The following KSR1 variants were observed in gnomAD, a reference collection of about 807,000 sequenced individuals.
KSR1 encodes the protein kinase suppressor of ras 1.
A neutral mutation model predicts 92.9 loss-of-function variants in KSR1; 35 were observed. That is an observed-to-expected ratio of 0.38 (90% CI 0.29 to 0.50). The LOEUF is 0.50. Among genes scored for constraint, KSR1 ranks in the 20% least tolerant of loss-of-function variants. KSR1 has a pLI of 0.94. For missense variants in KSR1, 972 were observed against 1,158.5 expected (o/e 0.84, Z 2.34); for synonymous variants, 467 against 472.6 (o/e 0.99, Z 0.15).
intron 4 of KSR1, among the ~76,000 whole-genome samples, chr17:27,585,367 C>T (rs1475449014): frequency 1.3e-5 from 2 of 152,146 alleles, no homozygotes; most frequent in Admixed American, 1.3e-4. Context: ...AATTACCATG[C>T]TTGGTTGCTG....
chr17:27,564,508 C>G (rs548332019), intron 2 of KSR1, among the ~76,000 whole-genome samples: 1 of 152,306 alleles, frequency 6.6e-6, no homozygotes, highest in Admixed American at 6.5e-5. Flanking sequence ...TGCAGGGGCT[C>G]AGGTGATGCC....
In KSR1 at chr17:27,577,621, C is replaced by A. The variant is rs371840328; in HGVS notation, c.502C>A (p.Arg168=). The change falls in exon 3 of 21, where the codon CGG becomes AGG. Residue 168 remains arginine (R), a synonymous_variant. Coordinates refer to ENST00000644974, the MANE Select transcript of KSR1 (RefSeq NM_001394583.1). The surrounding 1 kb of genome is among the most constrained non-coding windows in gnomAD (Gnocchi z 4.5). ...GRLQYALTCL[R]KVTGLGGEHK... ...TCTGCAGTATGCCCTCACCTGCCTGCGGAAGGTGACAGGCCTGGGTACGTG... is the reference window on the plus strand; with the variant it reads ...TCTGCAGTATGCCCTCACCTGCCTGAGGAAGGTGACAGGCCTGGGTACGTG... The A allele has an allele frequency of 1.6e-3, 2,606 of 1,582,022 alleles. 5 individuals are homozygous for A. Among genetic ancestry groups the A allele is most frequent in the Non-Finnish European group, 2.1e-3 (2,463 of 1,169,346 alleles).
chr17:27,541,616 G>A (rs1232178531), intron 1 of KSR1, among the ~76,000 whole-genome samples: 1 of 152,190 alleles, frequency 6.6e-6, no homozygotes, highest in East Asian at 1.9e-4. Flanking sequence ...CATCCTGCTT[G>A]TACCAGTCAA....
chr17:27,620,298 G>A (rs746914639), intron 19 of KSR1, among the ~76,000 whole-genome samples: 37 of 152,092 alleles, frequency 2.4e-4, no homozygotes, highest in Non-Finnish European at 4.0e-4. Context: ...CACACCTGCC[G>A]CATGCCTGCA....
At chr17:27,469,350 C>G (rs1477898282) in intron 1 of KSR1, among the ~76,000 whole-genome samples, 4 of 152,046 alleles carry the variant, frequency 2.6e-5, no homozygotes, top group African/African-American at 9.7e-5. Context: ...TCTCAGGTGC[C>G]GAGTCACTTT....
intron 1 of KSR1, among the ~76,000 whole-genome samples, chr17:27,463,574 T>C (rs1481443297): frequency 6.6e-6 from 1 of 152,108 alleles, no homozygotes; most frequent in African/African-American, 2.4e-5. Context: ...TCTGAGGTTC[T>C]GGGCTATGTG....
chr17:27,517,482 GT>G (rs1191427442), intron 1 of KSR1, among the ~76,000 whole-genome samples: 2 of 152,152 alleles, frequency 1.3e-5, no homozygotes, highest in African/African-American at 4.8e-5. Context: ...TAGAGATGGG[GT>G]TTTGCCATGT....
chr17:27,623,786 G>T lies in KSR1; in HGVS notation c.*394G>T. ...GGGACCCATGCTGGGCCAGAAGGAA[G>T]ACAAACATGGTAATTGCAGCTGTTC... On this transcript the variant is annotated 3_prime_UTR_variant, in exon 21 of 21. Transcript: ENST00000644974. The T allele has an allele frequency of 1.8e-6, 1 of 542,910 alleles. No individual in the cohort carries two copies. The highest frequency in any genetic ancestry group is 3.3e-5 in the East Asian group (1 of 30,658). The allele number at this position is 542,910 out of a possible 1,614,324, so 33.6% of individuals were successfully genotyped here.
rs868364654 is a variant in KSR1, at chr17:27,517,276, A to G, written c.232-33292A>G. Among the ~76,000 whole-genome samples, 5 of 152,196 alleles carry G rather than the reference A, an allele frequency of 3.3e-5. No homozygotes were observed. The South Asian group carries it at 1.0e-3, about 31-fold the overall frequency. On this transcript the variant is annotated intron_variant, in intron 1 of 20. Transcript: ENST00000644974. ...GCTCCACAACCCCTTATCTTAACCCAGACACTTGTTTCTATTGATTCCAGG... is the reference window on the plus strand; with the variant it reads ...GCTCCACAACCCCTTATCTTAACCCGGACACTTGTTTCTATTGATTCCAGG...
Position 27,623,396 on chromosome 17 carries a change from G to C in KSR1, c.*4G>C, listed in dbSNP as rs772298017. ...GTCCAGTAATCCAAAGATGTAGCCA[G>C]CCATATGGTTTTTCGCTGCTGATCT... On this transcript the variant is annotated 3_prime_UTR_variant, in exon 21 of 21. Coordinates refer to ENST00000644974, the MANE Select transcript of KSR1 (RefSeq NM_001394583.1). The C allele has an allele frequency of 2.6e-6, 2 of 764,104 alleles. No homozygotes were observed. Among genetic ancestry groups the C allele is most frequent in the South Asian group, 2.7e-5 (2 of 74,224 alleles). 47.3% of individuals were successfully genotyped at this position (764,104 alleles called of 1,614,324 possible).
intron 1 of KSR1, among the ~76,000 whole-genome samples, chr17:27,508,704 A>ATTTT (rs1248006036): frequency 3.4e-4 from 45 of 133,152 alleles, no homozygotes; most frequent in African/African-American, 1.3e-3. Flanking sequence ...TTGGGCCTGA[A>ATTTT]TTTTTTTTAT....
At chr17:27,472,629 C>T (rs2020075096) in intron 1 of KSR1, among the ~76,000 whole-genome samples, 1 of 152,122 alleles carries the variant, frequency 6.6e-6, no homozygotes, top group African/African-American at 2.4e-5. Context: ...ATGGTCAAAC[C>T]CCGTCTCTAC....
At chr17:27,523,313 G>A (rs557757493) in intron 1 of KSR1, among the ~76,000 whole-genome samples, 17 of 150,754 alleles carry the variant, frequency 1.1e-4, no homozygotes, top group East Asian at 3.9e-4. Flanking sequence ...GAATCAGCCC[G>A]ACTACATTTA....
intron 14 of KSR1, among the ~76,000 whole-genome samples, chr17:27,606,756 G>C (rs1476725319): frequency 6.7e-6 from 1 of 150,016 alleles, no homozygotes; most frequent in African/African-American, 2.5e-5. Flanking sequence ...ATCACTGGTG[G>C]TCCCGTAATT....
chr17:27,581,241 A>G (rs915962708), intron 3 of KSR1, among the ~76,000 whole-genome samples: 5 of 152,142 alleles, frequency 3.3e-5, no homozygotes, highest in African/African-American at 1.2e-4. Context: ...GAACAGCACC[A>G]AGAGGATGGT....
At chr17:27,618,886 A>C (rs2074137739) in intron 19 of KSR1, among the ~76,000 whole-genome samples, 1 of 152,180 alleles carries the variant, frequency 6.6e-6, no homozygotes, top group Non-Finnish European at 1.5e-5. Flanking sequence ...CATAGAGATG[A>C]GGTCTCACTA....
At chr17:27,526,470 C>A (rs141946573) in intron 1 of KSR1, 4 of 1,591,842 alleles carry the variant, frequency 2.5e-6, no homozygotes, top group Non-Finnish European at 1.7e-6. Flanking sequence ...CCCAATACAT[C>A]TTCTCTTTAT....
At chr17:27,584,558 T>G (rs1264774146) in intron 4 of KSR1, among the ~76,000 whole-genome samples, 1 of 152,232 alleles carries the variant, frequency 6.6e-6, no homozygotes, top group East Asian at 1.9e-4. Flanking sequence ...TCCCTGTGTT[T>G]CTGTCTTCTC....
At chr17:27,564,663 A>G (rs908038650) in intron 2 of KSR1, among the ~76,000 whole-genome samples, 1 of 151,834 alleles carries the variant, frequency 6.6e-6, no homozygotes. Context: ...AAAATCCCAG[A>G]GAAGGCTCTG....
Sources: allele counts gnomAD v4.1 joint callset (sites outside exome capture counted in the v4.1 genomes callset), GRCh38; gene constraint gnomAD v4.1.1; non-coding constraint Gnocchi (gnomAD v3.1); transcripts MANE v1.5; gene names NCBI Gene and HGNC (gene_info 2026-07-23, HGNC 2026-07-21).